The following GRIK3 variants were observed in gnomAD, a reference collection of about 807,000 sequenced individuals.
GRIK3 encodes the protein glutamate ionotropic receptor kainate type subunit 3, also known as glutamate receptor ionotropic, kainate 3.
A neutral mutation model predicts 102.5 loss-of-function variants in GRIK3; 29 were observed. The ratio of observed to expected loss-of-function variants is 0.28; its 90% CI spans 0.21 to 0.39. The LOEUF is 0.39. GRIK3 is among the 10% of genes least tolerant of loss of function. The pLI, the probability that GRIK3 is intolerant of heterozygous loss-of-function variation, is 1.00. For missense variants in GRIK3, 908 were observed against 1,252.4 expected (o/e 0.73, Z 4.15); for synonymous variants, 511 against 504.9 (o/e 1.01, Z -0.16).
At chr1:36,886,646 A>G (rs1167042542) in intron 2 of GRIK3, among the ~76,000 whole-genome samples, 1 of 152,160 alleles carries the variant, frequency 6.6e-6, no homozygotes, top group South Asian at 2.1e-4. Flanking sequence ...ATGGCACTTA[A>G]TTTTTTTATT....
chr1:36,887,808 T>TGA (rs55876095), intron 2 of GRIK3, among the ~76,000 whole-genome samples: 1 of 127,474 alleles, frequency 7.8e-6, no homozygotes, highest in African/African-American at 2.9e-5. Context: ...AGAGAGAGAG[T>TGA]GAGAGAGAGA....
At chr1:37,030,571 A>C (rs1642816265) in intron 1 of GRIK3, among the ~76,000 whole-genome samples, 1 of 90,144 alleles carries the variant, frequency 1.1e-5, no homozygotes, top group African/African-American at 4.8e-5. Flanking sequence ...CACCTGCTTT[A>C]TGTCTCTGCA....
At chr1:36,824,626 C>T (rs189064726) in intron 11 of GRIK3, among the ~76,000 whole-genome samples, 2 of 152,274 alleles carry the variant, frequency 1.3e-5, no homozygotes, top group African/African-American at 4.8e-5. Flanking sequence ...AATTGCCTCT[C>T]CAGAGAAGTC....
intron 5 of GRIK3, among the ~76,000 whole-genome samples, chr1:36,865,520 G>T (rs1240243870): frequency 6.6e-6 from 1 of 152,200 alleles, no homozygotes. Context: ...CCGGAAGCAG[G>T]ATATGACTGA....
At chr1:37,010,836 G>T (rs1005555359) in intron 1 of GRIK3, among the ~76,000 whole-genome samples, 5 of 150,656 alleles carry the variant, frequency 3.3e-5, no homozygotes, top group Non-Finnish European at 5.9e-5. Flanking sequence ...CCGCTTCCCG[G>T]GTTCACGCCA....
rs553349467 is a variant in GRIK3 at position 36,985,910 on chromosome 1, C to A, written c.115+48084G>T. Among the ~76,000 whole-genome samples the A allele has an allele frequency of 2.0e-5, 3 of 152,216 alleles. No individual in the cohort carries two copies. The South Asian group carries it at 6.2e-4, about 32-fold the overall frequency. On this transcript the variant is annotated intron_variant, in intron 1 of 15. Transcript: ENST00000373091. ...CCCAGCAATGAAGGGTGAGTGTGGC[C>A]CCTTCCGGCTGAGTTCCCTCCCCCT... is the stretch of plus-strand genomic sequence containing the variant.
intron 1 of GRIK3, among the ~76,000 whole-genome samples, chr1:36,973,500 A>G (rs1381911881): frequency 7.0e-6 from 1 of 142,158 alleles, no homozygotes; most frequent in Admixed American, 7.1e-5. Context: ...GCTCACCACA[A>G]CCTCCACCTC....
intron 1 of GRIK3, among the ~76,000 whole-genome samples, chr1:36,998,994 GTGTGTGTGTGTGTA>G (rs143241561): frequency 0.2 from 29,323 of 143,776 alleles, 3,072 homozygotes; most frequent in Non-Finnish European, 0.25. Flanking sequence ...GTGTGTGTGT[GTGTGTGTGTGTGTA>G]TGTGTGTGTG....
chr1:36,873,812 G>T (rs1640871248), intron 3 of GRIK3, among the ~76,000 whole-genome samples: 1 of 152,206 alleles, frequency 6.6e-6, no homozygotes, highest in Non-Finnish European at 1.5e-5. Context: ...TTGACTCTCA[G>T]AAACTGTGTT....
chr1:36,846,193 G>A (rs187082601), intron 9 of GRIK3, among the ~76,000 whole-genome samples: 9 of 152,058 alleles, frequency 5.9e-5, no homozygotes, highest in East Asian at 5.9e-4. Context: ...GGGGCCGGGC[G>A]GTGAGAGGGC....
At chr1:36,832,442 A>G (rs1333351115) in intron 10 of GRIK3, among the ~76,000 whole-genome samples, 1 of 152,202 alleles carries the variant, frequency 6.6e-6, no homozygotes, top group Non-Finnish European at 1.5e-5. Flanking sequence ...CAAGCTTAAG[A>G]AAACACTGTG....
At chr1:36,985,527 A>T (rs928854599) in intron 1 of GRIK3, among the ~76,000 whole-genome samples, 1 of 152,164 alleles carries the variant, frequency 6.6e-6, no homozygotes, top group African/African-American at 2.4e-5. Flanking sequence ...GCCCACCTGC[A>T]TACCTGCCTC....
Position 36,859,133 on chromosome 1 carries a change from C to T in GRIK3, c.1079G>A (p.Gly360Asp), listed in dbSNP as rs369977870. ...CTCCTTGATGAAGTTCATGAAGCGG[C>T]CGCCAAAGCGCCAGGCCTTGTGCCG... is the stretch of plus-strand genomic sequence containing the variant. ...CHRHKAWRFG[G>D]RFMNFIKEAQ... Residue 360 changes from glycine (G) to aspartate (D), a missense_variant, in exon 7 of 16, where the codon GGC becomes GAC. Coordinates refer to ENST00000373091, the MANE Select transcript of GRIK3 (RefSeq NM_000831.4). 1.2e-6 allele frequency: 2 copies of T among 1,611,656 alleles called. No homozygotes were observed. The highest frequency in any genetic ancestry group is 2.2e-5 in the East Asian group (1 of 44,796).
At chr1:36,943,231 TG>T (rs367867954) in intron 1 of GRIK3, among the ~76,000 whole-genome samples, 3 of 31,738 alleles carry the variant, frequency 9.5e-5, no homozygotes, top group East Asian at 8.9e-4. Context: ...TGTTGGGGGT[TG>T]GGGGGGCTGG....
At chr1:36,946,312 A>T (rs1641784362) in intron 1 of GRIK3, among the ~76,000 whole-genome samples, 1 of 152,214 alleles carries the variant, frequency 6.6e-6, no homozygotes, top group African/African-American at 2.4e-5. Flanking sequence ...TGCAGTGCAG[A>T]CTGGGGTCCT....
rs151015792 is a variant in GRIK3 at position 36,872,301 on chromosome 1, G to A, written c.619C>T (p.Leu207Phe). The A allele has an allele frequency of 3.1e-6, 5 of 1,612,904 alleles. No homozygotes were observed. The Admixed American group carries it at 5.0e-5, about 16-fold the overall frequency. The part of the protein sequence containing the change: ...RYNIRLKIRQ[L>F]PIDSDDSRPL... Reference sequence around the variant, plus strand: ...CGCGAGTCGTCAGAGTCGATGGGGAGCTGACGGATCTTCAGGCGGATGTTG... The same window carrying A: ...CGCGAGTCGTCAGAGTCGATGGGGAACTGACGGATCTTCAGGCGGATGTTG... The change falls in exon 4 of 16, where the codon CTC becomes TTC. Residue 207 changes from leucine (L) to phenylalanine (F), a missense_variant. This residue lies in a region of GRIK3 where 585 missense variants were observed against 824.9 expected (regional missense o/e 0.71). Transcript: ENST00000373091. The surrounding 1 kb of genome is among the most constrained non-coding windows in gnomAD (Gnocchi z 5.9).
At chr1:37,023,251 C>T (rs924177153) in intron 1 of GRIK3, among the ~76,000 whole-genome samples, 4 of 151,412 alleles carry the variant, frequency 2.6e-5, no homozygotes, top group South Asian at 2.1e-4. Context: ...CACTTGAACC[C>T]AGGAGGCAGA....
At chr1:36,858,723 G>A (rs779410960) in intron 7 of GRIK3, among the ~76,000 whole-genome samples, 5 of 152,140 alleles carry the variant, frequency 3.3e-5, no homozygotes, top group South Asian at 2.1e-4. Flanking sequence ...ACATGCCCAC[G>A]AGGTAGGTTA....
intron 1 of GRIK3, among the ~76,000 whole-genome samples, chr1:37,020,026 A>G (rs1642693261): frequency 6.6e-6 from 1 of 152,204 alleles, no homozygotes. Context: ...CCTCAGAGGC[A>G]AGTGAAACAA....
Sources: gnomAD v4.1 joint callset for allele counts (sites outside exome capture counted in the v4.1 genomes callset) on GRCh38, gnomAD v4.1.1 for gene constraint, gnomAD v4.1.1 regional missense constraint, Gnocchi (gnomAD v3.1) non-coding constraint, MANE v1.5 for transcripts, NCBI Gene and HGNC (gene_info 2026-07-23, HGNC 2026-07-21) for gene names.